DCDC1: variants seen among roughly 807,000 people sequenced by gnomAD.
DCDC1 encodes the protein doublecortin domain-containing protein 1.
DCDC1 carries 200 observed loss-of-function variants against 178.3 expected under a neutral mutation model. That is an observed-to-expected ratio of 1.12 (90% CI 1.00 to 1.26). The LOEUF (loss-of-function observed/expected upper bound fraction) is 1.26. DCDC1 is among the 50% of genes most tolerant of loss of function. DCDC1 has a pLI of 0.00. For synonymous variants in DCDC1, 690 were observed against 604.8 expected, an observed-to-expected ratio of 1.14 and a Z score of -2.07; for missense variants, 1,983 against 1,749.2, an observed-to-expected ratio of 1.13 and a Z score of -2.38.
At chr11:30,928,564 G>A (rs1005634675) in intron 22 of DCDC1, among the ~76,000 whole-genome samples, 1 of 568 alleles carries the variant, frequency 1.8e-3, no homozygotes, top group Non-Finnish European at 4.2e-3. Flanking sequence ...CATTCAGAAA[G>A]CTAGGGGAAT....
intron 9 of DCDC1, among the ~76,000 whole-genome samples, chr11:31,202,523 A>G (rs1423917198): frequency 2.0e-5 from 3 of 152,152 alleles, no homozygotes; most frequent in Non-Finnish European, 4.4e-5. Flanking sequence ...GTGAGCCAAG[A>G]TTGCGCCATT....
At chr11:31,356,890 G>C (rs1208277477) in intron 1 of DCDC1, among the ~76,000 whole-genome samples, 1 of 152,122 alleles carries the variant, frequency 6.6e-6, no homozygotes, top group South Asian at 2.1e-4. Context: ...AAACCAGGAA[G>C]AAGTTGAATC....
intron 9 of DCDC1, among the ~76,000 whole-genome samples, chr11:31,235,138 A>G (rs1291201752): frequency 6.6e-6 from 1 of 152,156 alleles, no homozygotes; most frequent in Non-Finnish European, 1.5e-5. Context: ...GATCTTAAAT[A>G]TAAGTGGGGA....
At chr11:31,083,922 A>T (rs1957335025) in intron 17 of DCDC1, among the ~76,000 whole-genome samples, 1 of 152,224 alleles carries the variant, frequency 6.6e-6, no homozygotes, top group African/African-American at 2.4e-5. Flanking sequence ...GGTGCTCTGA[A>T]AAATAACTTC....
At position 31,229,961 on chromosome 11, in the gene DCDC1, G is replaced by A. The variant is rs1975549136; in HGVS notation, c.1221+11489C>T. 2.0e-5 allele frequency among the ~76,000 whole-genome samples: 3 copies of A among 152,040 alleles called. No homozygotes were observed. In the South Asian group the frequency reaches 6.2e-4, roughly 31 times the overall value. On this transcript the variant is annotated intron_variant, in intron 9 of 38. Coordinates refer to ENST00000684477, the MANE Select transcript of DCDC1 (RefSeq NM_001387274.1). ...CTAAAATCAAAAACAAGAAAAGGATGCCCACTCTCACCACTACTATTTAAT... is the reference window on the plus strand; with the variant it reads ...CTAAAATCAAAAACAAGAAAAGGATACCCACTCTCACCACTACTATTTAAT...
intron 7 of DCDC1, among the ~76,000 whole-genome samples, chr11:31,274,718 C>T (rs972832009): frequency 3.7e-5 from 5 of 135,796 alleles, no homozygotes; most frequent in South Asian, 2.3e-4. Flanking sequence ...TTTTTTTTTC[C>T]GAGACAGAGT....
chr11:31,327,118 T>C (rs1365391900), intron 3 of DCDC1, among the ~76,000 whole-genome samples: 1 of 152,162 alleles, frequency 6.6e-6, no homozygotes, highest in African/African-American at 2.4e-5. Context: ...TCCTCATAGG[T>C]AAAACAAAGG....
intron 17 of DCDC1, among the ~76,000 whole-genome samples, chr11:31,079,140 A>G (rs1338602181): frequency 6.6e-6 from 1 of 152,180 alleles, no homozygotes; most frequent in Non-Finnish European, 1.5e-5. Context: ...CATGATTCAA[A>G]TACTGGAACT....
intron 9 of DCDC1, among the ~76,000 whole-genome samples, chr11:31,143,478 T>C (rs1315146673): frequency 1.3e-5 from 2 of 152,104 alleles, no homozygotes; most frequent in Non-Finnish European, 2.9e-5. Context: ...TGATTCATAC[T>C]GGGAAGCAAA....
intron 20 of DCDC1, among the ~76,000 whole-genome samples, chr11:31,037,495 C>T (rs1196568386): frequency 4.7e-5 from 7 of 148,874 alleles, no homozygotes; most frequent in African/African-American, 1.7e-4. Context: ...TGCAGTGGCG[C>T]GATCTCGGCT....
intron 21 of DCDC1, among the ~76,000 whole-genome samples, chr11:30,941,568 C>T (rs1186328151): frequency 2.6e-5 from 4 of 152,042 alleles, no homozygotes; most frequent in East Asian, 1.9e-4. Context: ...TGAAGCCTTA[C>T]CTAGTCAATC....
intron 3 of DCDC1, among the ~76,000 whole-genome samples, chr11:31,324,302 C>T (rs1292177338): frequency 6.6e-6 from 1 of 151,198 alleles, no homozygotes; most frequent in East Asian, 1.9e-4. Flanking sequence ...TAAATCATTC[C>T]ACCCAAAGGA....
intron 22 of DCDC1, among the ~76,000 whole-genome samples, chr11:30,928,099 T>C (rs183016981): frequency 9.5e-4 from 145 of 152,290 alleles, no homozygotes; most frequent in African/African-American, 3.3e-3. Flanking sequence ...CCCTCATAAA[T>C]AGATTAATGC....
chr11:30,917,082 G>T, intron 25 of DCDC1, 54 bp from the exon 26 acceptor site: 2 of 1,527,752 alleles, frequency 1.3e-6, no homozygotes, highest in Admixed American at 2.1e-5. Context: ...CGTGTTCACA[G>T]AATTTTTTTC....
At chr11:31,020,374 A>G (rs1414816772) in intron 20 of DCDC1, among the ~76,000 whole-genome samples, 1 of 152,122 alleles carries the variant, frequency 6.6e-6, no homozygotes, top group East Asian at 1.9e-4. Flanking sequence ...CTCATCTCTC[A>G]TGCTCTAGAA....
intron 20 of DCDC1, among the ~76,000 whole-genome samples, chr11:31,059,214 C>T (rs1016991507): frequency 6.6e-6 from 1 of 151,978 alleles, no homozygotes; most frequent in African/African-American, 2.4e-5. Context: ...TTTTAGAATG[C>T]TTGATTTTTG....
intron 17 of DCDC1, among the ~76,000 whole-genome samples, chr11:31,090,001 T>C (rs568765339): frequency 2.0e-5 from 3 of 152,294 alleles, no homozygotes; most frequent in South Asian, 4.1e-4. Context: ...TAGTTTCGCA[T>C]TGGCATTGGC....
intron 9 of DCDC1, among the ~76,000 whole-genome samples, chr11:31,198,807 G>A (rs925965621): frequency 6.6e-6 from 1 of 151,912 alleles, no homozygotes; most frequent in South Asian, 2.1e-4. Flanking sequence ...CACCTTAAAA[G>A]ACCATCCTCA....
intron 20 of DCDC1, among the ~76,000 whole-genome samples, chr11:31,048,686 T>C (rs1208190834): frequency 1.3e-5 from 2 of 152,062 alleles, no homozygotes; most frequent in African/African-American, 2.4e-5. Context: ...ACTCTGTCTC[T>C]ACTAAAAATA....
Sources: allele counts gnomAD v4.1 joint callset (sites outside exome capture counted in the v4.1 genomes callset), GRCh38; gene constraint gnomAD v4.1.1; transcripts MANE v1.5; gene names NCBI Gene and HGNC (gene_info 2026-07-23, HGNC 2026-07-21).